MSANTD2: variants seen among roughly 807,000 people sequenced by gnomAD.
MSANTD2 encodes myb/SANT-like DNA-binding domain-containing protein 2.
A neutral mutation model predicts 52.6 loss-of-function variants in MSANTD2; 19 were observed. The ratio of observed to expected loss-of-function variants is 0.36; its 90% confidence interval spans 0.25 to 0.53. MSANTD2 has a LOEUF of 0.53. Ranked by LOEUF, MSANTD2 falls within the 20% of genes least tolerant of loss-of-function variation. MSANTD2 has a pLI of 0.91. For synonymous variants in MSANTD2, 291 were observed against 289.7 expected (o/e 1.00, Z -0.04); for missense variants, 558 against 716.3 (o/e 0.78, Z 2.52).
At chr11:124,797,877 A>G (rs1945544319) in intron 1 of MSANTD2, among the ~76,000 whole-genome samples, 1 of 152,172 alleles carries the variant, frequency 6.6e-6, no homozygotes, top group African/African-American at 2.4e-5. Context: ...TATCCTTCTC[A>G]TAACTGGACA....
At chr11:124,777,786 A>G (rs1171454301) in intron 1 of MSANTD2, among the ~76,000 whole-genome samples, 4 of 152,242 alleles carry the variant, frequency 2.6e-5, no homozygotes, top group Non-Finnish European at 4.4e-5. Context: ...TCATGTTAAA[A>G]AAGATTTCCC....
In MSANTD2 at chr11:124,799,113, G is replaced by T. The variant is rs561806826; in HGVS notation, c.510+758C>A. Among the ~76,000 whole-genome samples, 42 of 152,322 alleles carry T rather than the reference G, an allele frequency of 2.8e-4. 1 individual carries two copies. The highest frequency in any genetic ancestry group is 9.4e-4 in the African/African-American group (39 of 41,578). Reference sequence around the variant, plus strand: ...TCTACTTGTCACCACATCCGGCACAGAAACTGAAGCAGGGAAAAACTGGCT... The same window carrying T: ...TCTACTTGTCACCACATCCGGCACATAAACTGAAGCAGGGAAAAACTGGCT... On this transcript the variant is annotated intron_variant, in intron 1 of 3. Coordinates refer to ENST00000374979, the MANE Select transcript of MSANTD2 (RefSeq NM_001308027.2).
rs1388159392 is a variant in MSANTD2, at chr11:124,800,147, G to A, written c.234C>T (p.Ser78=). ...CGCCACCAGGGGAGAAGGAGACCGA[G>A]GACGAGGCGGCGCTGCGGCCCCCCA... ...LGLGGRSAAS[S]SVSFSPGGGG... The change falls in exon 1 of 4, where the codon TCC becomes TCT. Residue 78 remains serine (S), a synonymous_variant. Transcript: ENST00000374979. The surrounding 1 kb of genome is among the most constrained non-coding windows in gnomAD (Gnocchi z 4.3). 2.0e-6 allele frequency: 3 copies of A among 1,475,958 alleles called. No homozygotes were observed. The highest frequency in any genetic ancestry group is 1.8e-6 in the Non-Finnish European group (2 of 1,121,824). The allele number at this position is 1,475,958 out of a possible 1,614,324, so 91.4% of individuals were successfully genotyped here.
chr11:124,791,805 C>T (rs1291312856), intron 1 of MSANTD2: 10 of 544,442 alleles, frequency 1.8e-5, no homozygotes, highest in South Asian at 5.6e-5. Flanking sequence ...GATCCCCCGC[C>T]AGGGGCAGGT....
At chr11:124,794,859 AAG>A (rs1180435623) in intron 1 of MSANTD2, among the ~76,000 whole-genome samples, 1 of 152,106 alleles carries the variant, frequency 6.6e-6, no homozygotes, top group African/African-American at 2.4e-5. Context: ...CTCTGGGCAG[AAG>A]ACTCTTTTAT....
chr11:124,788,663 T>C (rs759031523), intron 1 of MSANTD2, among the ~76,000 whole-genome samples: 1 of 152,180 alleles, frequency 6.6e-6, no homozygotes. Context: ...ACTGACTCTT[T>C]AGGGCTCCAC....
At chr11:124,785,802 G>A (rs1945140361) in intron 1 of MSANTD2, among the ~76,000 whole-genome samples, 2 of 151,002 alleles carry the variant, frequency 1.3e-5, no homozygotes, top group South Asian at 4.2e-4. Flanking sequence ...TAAGATATAT[G>A]TATCATATTT....
chr11:124,793,576 A>G (rs1437372546), intron 1 of MSANTD2, among the ~76,000 whole-genome samples: 1 of 152,230 alleles, frequency 6.6e-6, no homozygotes, highest in Non-Finnish European at 1.5e-5. Flanking sequence ...AAAATTAAAA[A>G]TTCAATTTTG....
chr11:124,769,405 C>T (rs978814435), intron 3 of MSANTD2, among the ~76,000 whole-genome samples: 2 of 152,170 alleles, frequency 1.3e-5, no homozygotes, highest in African/African-American at 4.8e-5. Context: ...TATTCCTCTT[C>T]TCAGAGGAGA....
chr11:124,779,221 G>A lies in MSANTD2; in HGVS notation c.511-4247C>T, dbSNP rs1201716228. 1 of 152,182 alleles carries A rather than the reference G, an allele frequency of 6.6e-6. No individual in the cohort carries two copies. Among genetic ancestry groups the A allele is most frequent in the Non-Finnish European group, 1.5e-5 (1 of 68,034 alleles). 9.4% of individuals were successfully genotyped at this position (152,182 alleles called of 1,614,324 possible). ...TTGGAAAATAAGATCTATAAGCAGGGACAGTGGTTTCATCAAAGCCCTTCC... is the reference window on the plus strand; with the variant it reads ...TTGGAAAATAAGATCTATAAGCAGGAACAGTGGTTTCATCAAAGCCCTTCC... On this transcript the variant is annotated intron_variant, in intron 1 of 3. Transcript: ENST00000374979. This position sits in a 1 kb window ranked among gnomAD's most constrained non-coding sequence, Gnocchi z 4.6.
chr11:124,776,019 C>T (rs904184132), intron 1 of MSANTD2: 1 of 151,702 alleles, frequency 6.6e-6, no homozygotes, highest in African/African-American at 2.4e-5. Flanking sequence ...GTCTCTATCC[C>T]ATCTCTGCCT....
chr11:124,776,892 T>A (rs1242340989), intron 1 of MSANTD2, among the ~76,000 whole-genome samples: 1 of 152,238 alleles, frequency 6.6e-6, no homozygotes, highest in East Asian at 1.9e-4. Context: ...TACACTCTTT[T>A]TAAAAGTGTT....
chr11:124,786,095 CTT>C (rs200399771), intron 1 of MSANTD2, among the ~76,000 whole-genome samples: 1,697 of 114,370 alleles, frequency 0.015, 28 homozygotes, highest in African/African-American at 0.052. Flanking sequence ...ATCATTTCTT[CTT>C]TTTTTTTTTT....
intron 1 of MSANTD2, among the ~76,000 whole-genome samples, chr11:124,798,205 G>T (rs1315846888): frequency 7.4e-6 from 1 of 135,424 alleles, no homozygotes; most frequent in Non-Finnish European, 1.5e-5. Flanking sequence ...GCTAAAACCA[G>T]CCTGAGCAAC....
intron 1 of MSANTD2, among the ~76,000 whole-genome samples, chr11:124,788,558 T>C (rs918142422): frequency 2.0e-5 from 3 of 152,232 alleles, no homozygotes; most frequent in East Asian, 3.8e-4. Flanking sequence ...TGTTGTAAAA[T>C]TGGCACAACT....
intron 1 of MSANTD2, chr11:124,790,539 T>C (rs1945297879): frequency 6.6e-6 from 1 of 152,250 alleles, no homozygotes; most frequent in Admixed American, 6.5e-5. Flanking sequence ...AATTTATTCT[T>C]GTGTCTCCAT....
At position 124,800,399 on chromosome 11, in the gene MSANTD2, T is replaced by G; in HGVS notation, c.-19A>C. ...CAGCCATCTTCCAAGCGGCCGCCGC[T>G]GCACCGCCCGGAAGTGACGCGCCCG... On this transcript the variant is annotated 5_prime_UTR_variant, in exon 1 of 4. Coordinates refer to ENST00000374979, the MANE Select transcript of MSANTD2 (RefSeq NM_001308027.2). The surrounding 1 kb of genome is among the most constrained non-coding windows in gnomAD (Gnocchi z 4.3). The G allele has an allele frequency of 6.8e-7, 1 of 1,480,952 alleles. No homozygotes were observed. Among genetic ancestry groups the G allele is most frequent in the Non-Finnish European group, 9.0e-7 (1 of 1,113,718 alleles). The allele number at this position is 1,480,952 out of a possible 1,614,324, so 91.7% of individuals were successfully genotyped here.
At chr11:124,780,033 CTTAG>C (rs1318817697) in intron 1 of MSANTD2, among the ~76,000 whole-genome samples, 2 of 152,100 alleles carry the variant, frequency 1.3e-5, no homozygotes, top group Admixed American at 6.6e-5. Flanking sequence ...ACTAGTTGCT[CTTAG>C]TTAATTGAGG....
At chr11:124,788,955 C>A (rs1241584773) in intron 1 of MSANTD2, among the ~76,000 whole-genome samples, 1 of 152,058 alleles carries the variant, frequency 6.6e-6, no homozygotes, top group African/African-American at 2.4e-5. Context: ...TTTTAAATAT[C>A]ACATTATTTT....
Sources: gnomAD v4.1 joint callset for allele counts (sites outside exome capture counted in the v4.1 genomes callset) on GRCh38, gnomAD v4.1.1 for gene constraint, Gnocchi (gnomAD v3.1) non-coding constraint, MANE v1.5 for transcripts, NCBI Gene and HGNC (gene_info 2026-07-23, HGNC 2026-07-21) for gene names.